PLEKHO1: variants seen among roughly 807,000 people sequenced by gnomAD.
The protein encoded by PLEKHO1 is pleckstrin homology domain containing O1, also known as pleckstrin homology domain-containing family O member 1.
In PLEKHO1, 22 loss-of-function variants were observed where a neutral mutation model predicts 41.4. The ratio of observed to expected loss-of-function variants is 0.53; its 90% confidence interval spans 0.38 to 0.76. The LOEUF is 0.76. Ranked by LOEUF, PLEKHO1 falls within the 30% of genes least tolerant of loss-of-function variation. The probability of loss-of-function intolerance (pLI) is 0.00; values close to 1 mark genes in which losing one functional copy is unlikely to be tolerated. For missense variants in PLEKHO1, 488 were observed against 518.3 expected (o/e 0.94, Z 0.57); for synonymous variants, 225 against 210.8 (o/e 1.07, Z -0.58).
In PLEKHO1 at chr1:150,159,991, C is replaced by G. The variant is rs1256123859; in HGVS notation, c.*468C>G. 6.4e-6 allele frequency: 1 copy of G among 155,084 alleles called. No homozygotes were observed. The highest frequency in any genetic ancestry group is 2.4e-5 in the African/African-American group (1 of 41,514). The allele number at this position is 155,084 out of a possible 1,614,324, so 9.6% of individuals were successfully genotyped here. Reference sequence around the variant, plus strand: ...GTAGGGATGTGGAGGCCAGTGTCACCTGTCCGTGCACATGGAAGTGAAATT... The same window carrying G: ...GTAGGGATGTGGAGGCCAGTGTCACGTGTCCGTGCACATGGAAGTGAAATT... On this transcript the variant is annotated 3_prime_UTR_variant, in exon 6 of 6. Coordinates refer to ENST00000369124, the MANE Select transcript of PLEKHO1 (RefSeq NM_016274.6).
At chr1:150,151,449 C>A (rs1659925465) in intron 2 of PLEKHO1, among the ~76,000 whole-genome samples, 1 of 152,202 alleles carries the variant, frequency 6.6e-6, no homozygotes, top group Non-Finnish European at 1.5e-5. Context: ...CCCACCTTAA[C>A]CCAGCCAGCC....
At position 150,159,330 on chromosome 1, in the gene PLEKHO1, C is replaced by G; in HGVS notation, c.1037C>G (p.Ser346Cys). 6.2e-7 allele frequency: 1 copy of G among 1,614,214 alleles called. No homozygotes were observed. Among genetic ancestry groups the G allele is most frequent in the Non-Finnish European group, 8.5e-7 (1 of 1,180,052 alleles). Residue 346 changes from serine (S) to cysteine (C), a missense_variant, in exon 6 of 6, where the codon TCT becomes TGT. By Grantham distance (112) the Ser-to-Cys change is moderately radical (BLOSUM62 -1). Transcript: ENST00000369124. ...GACCCCCCTCGGTCTCCGCCGGATT[C>G]TGAGTCAGAGCAGCTGCTGCTGGAG... ...AKDPPRSPPDSESEQLLLETE... is the reference protein window; with the variant it reads ...AKDPPRSPPDCESEQLLLETE...
Position 150,156,946 on chromosome 1 carries a change from A to G in PLEKHO1, c.354A>G (p.Glu118=), listed in dbSNP as rs368632045. The change falls in exon 4 of 6, where the codon GAA becomes GAG. Residue 118 remains glutamate, a synonymous_variant. Transcript: ENST00000369124. ...PNLIFLAVSP[E]EKESWINALN... ...TGATCTTCCTGGCAGTGAGTCCAGA[A>G]GAGAAGGAATCGTGGATCAATGCCC... The G allele has an allele frequency of 2.5e-5, 41 of 1,613,662 alleles. No homozygotes were observed. The highest frequency in any genetic ancestry group is 3.2e-5 in the Non-Finnish European group (38 of 1,179,708).
In PLEKHO1 at chr1:150,159,547, G is replaced by C. The variant is rs781889070; in HGVS notation, c.*24G>C. 6.7e-7 allele frequency: 1 copy of C among 1,489,570 alleles called. No individual in the cohort carries two copies. The highest frequency in any genetic ancestry group is 9.2e-7 in the Non-Finnish European group (1 of 1,092,518). 92.3% of individuals were successfully genotyped at this position (1,489,570 alleles called of 1,614,324 possible). A position where few individuals can be genotyped will look rare whatever the true frequency, so the allele number is the denominator to read the frequency against. On this transcript the variant is annotated 3_prime_UTR_variant, in exon 6 of 6. Transcript: ENST00000369124. Reference sequence around the variant, plus strand: ...GAGGGCAGGGTGGGGTCTGGAACTTGTCGGGTTGGACAGACTCTTATCTCC... The same window carrying C: ...GAGGGCAGGGTGGGGTCTGGAACTTCTCGGGTTGGACAGACTCTTATCTCC...
chr1:150,151,228 C>A (rs965722471), intron 2 of PLEKHO1, among the ~76,000 whole-genome samples, 170 bp downstream of exon 2: 1 of 152,096 alleles, frequency 6.6e-6, no homozygotes, highest in African/African-American at 2.4e-5. Flanking sequence ...AATGAGAAGA[C>A]CAGAGTGAGA....
intron 1 of PLEKHO1, 90 bp from the exon 2 acceptor site, chr1:150,150,821 TG>T: frequency 7.9e-7 from 1 of 1,264,194 alleles, no homozygotes; most frequent in Non-Finnish European, 1.1e-6. Context: ...CGGAGGAGAC[TG>T]GGCCGCCGAG....
chr1:150,159,690 ATATGCCCCTCG>A lies in PLEKHO1; in HGVS notation c.*178_*188del, dbSNP rs1210274986. 1.6e-5 allele frequency: 9 copies of A among 549,036 alleles called. No homozygotes were observed. The highest frequency in any genetic ancestry group is 2.9e-5 in the South Asian group (1 of 34,134). 34.0% of individuals were successfully genotyped at this position (549,036 alleles called of 1,614,324 possible). A position where few individuals can be genotyped will look rare whatever the true frequency, so the allele number is the denominator to read the frequency against. On this transcript the variant is annotated 3_prime_UTR_variant, in exon 6 of 6. Transcript: ENST00000369124. ...ACCCTTATTGCCCCACCTACTTTCC[ATATGCCCCTCG>A]TATGCCCCTCAGGTTTGAGGAAGTG...
rs879976473 is a variant in PLEKHO1 at position 150,159,633 on chromosome 1, C to T, written c.*110C>T. The T allele has an allele frequency of 4.8e-5, 36 of 749,924 alleles. No individual in the cohort carries two copies. The highest frequency in any genetic ancestry group is 5.4e-5 in the Non-Finnish European group (25 of 466,106). 46.5% of individuals were successfully genotyped at this position (749,924 alleles called of 1,614,324 possible). On this transcript the variant is annotated 3_prime_UTR_variant, in exon 6 of 6. Transcript: ENST00000369124. ...CAAAAAAAGAAAACAAAAATGAACT[C>T]ATTGCTCTTGCTGATGCCTGACCCC...
At position 150,159,164 on chromosome 1, in the gene PLEKHO1, G is replaced by A. The variant is rs782138581; in HGVS notation, c.871G>A (p.Ala291Thr). ...AASARTLQLRAEEPPTPALPN... is the reference protein window; with the variant it reads ...AASARTLQLRTEEPPTPALPN... ...CTCTGCCCGCACCCTCCAGCTGCGGGCTGAGGAACCCCCAACCCCTGCCCT... is the reference window on the plus strand; with the variant it reads ...CTCTGCCCGCACCCTCCAGCTGCGGACTGAGGAACCCCCAACCCCTGCCCT... The change falls in exon 6 of 6, where the codon GCT becomes ACT. Residue 291 changes from alanine (A) to threonine (T), a missense_variant. This residue lies in a region of PLEKHO1 where 337 missense variants were observed against 324.6 expected (regional missense o/e 1.04). Transcript: ENST00000369124. 2.5e-6 allele frequency: 4 copies of A among 1,611,398 alleles called. No homozygotes were observed. The highest frequency in any genetic ancestry group is 3.4e-6 in the Non-Finnish European group (4 of 1,178,890).
rs1553818119 is a variant in PLEKHO1 at position 150,149,973 on chromosome 1, T to G, written c.-285T>G. On this transcript the variant is annotated 5_prime_UTR_variant, in exon 1 of 6. Transcript: ENST00000369124. Reference sequence around the variant, plus strand: ...GGGCCGGGCGGGCGGGTGGCGGGGGTGCGCTCGGGGACCCGGGCCGCGTGG... The same window carrying G: ...GGGCCGGGCGGGCGGGTGGCGGGGGGGCGCTCGGGGACCCGGGCCGCGTGG... 1 of 149,002 alleles carries G rather than the reference T, an allele frequency of 6.7e-6. No individual in the cohort carries two copies. Among genetic ancestry groups the G allele is most frequent in the African/African-American group, 2.5e-5 (1 of 40,114 alleles). 9.2% of individuals were successfully genotyped at this position (149,002 alleles called of 1,614,324 possible).
chr1:150,156,971 C>G lies in PLEKHO1; in HGVS notation c.379C>G (p.Leu127Val). The G allele has an allele frequency of 1.2e-6, 2 of 1,613,622 alleles. No homozygotes were observed. The highest frequency in any genetic ancestry group is 1.1e-5 in the South Asian group (1 of 91,066). ...PEEKESWINA[L>V]NSAITRAKNR... ...AGAGAAGGAATCGTGGATCAATGCC[C>G]TCAACTCTGCCATCACCCGAGCCAA... Residue 127 changes from leucine to valine, a missense_variant, in exon 4 of 6, where the codon CTC becomes GTC. Transcript: ENST00000369124.
intron 3 of PLEKHO1, 115 bp downstream of exon 3, chr1:150,156,321 T>G: frequency 2.4e-6 from 2 of 823,218 alleles, no homozygotes; most frequent in Non-Finnish European, 3.8e-6. Flanking sequence ...TTCCCTGAAT[T>G]GCTCTCCTGC....
chr1:150,156,857 A>T, intron 3 of PLEKHO1, 54 bp from the exon 4 acceptor site: 1 of 972,542 alleles, frequency 1.0e-6, no homozygotes, highest in Non-Finnish European at 1.7e-6. Flanking sequence ...TTCATTGTCA[A>T]GGTGAGGCAC....
At chr1:150,153,809 G>C (rs138814827) in intron 2 of PLEKHO1, 6 of 152,178 alleles carry the variant, frequency 3.9e-5, no homozygotes, top group Non-Finnish European at 8.8e-5. Context: ...TTGGACAGGC[G>C]TGGGAAAAAT....
Position 150,156,038 on chromosome 1 carries a change from T to G in PLEKHO1, c.178-28T>G, listed in dbSNP as rs1660154495. ...GTGGAGGGGCTAAATAATTTTATCC[T>G]CCTCACCTCACCCCAACCCTCCCCT... On this transcript the variant is annotated intron_variant, in intron 2 of 5. Coordinates refer to ENST00000369124, the MANE Select transcript of PLEKHO1 (RefSeq NM_016274.6). 3 of 1,603,982 alleles carry G rather than the reference T, an allele frequency of 1.9e-6. No individual in the cohort carries two copies. The East Asian group carries it at 6.7e-5, about 36-fold the overall frequency.
chr1:150,150,735 G>A (rs989357749), intron 1 of PLEKHO1, 177 bp from the exon 2 acceptor site: 12 of 581,612 alleles, frequency 2.1e-5, no homozygotes, highest in Non-Finnish European at 2.7e-5. Flanking sequence ...GGGAGCGGGG[G>A]GAGTTCCTCG....
chr1:150,159,377 G>C lies in PLEKHO1; in HGVS notation c.1084G>C (p.Ala362Pro). 6.2e-7 allele frequency: 1 copy of C among 1,614,182 alleles called. No homozygotes were observed. Among genetic ancestry groups the C allele is most frequent in the Non-Finnish European group, 8.5e-7 (1 of 1,180,044 alleles). The change falls in exon 6 of 6, where the codon GCA becomes CCA. Residue 362 changes from alanine (A) to proline (P), a missense_variant. Physicochemically the swap from Ala to Pro is conservative, Grantham distance 27. This residue lies in a region of PLEKHO1 where 337 missense variants were observed against 324.6 expected (regional missense o/e 1.04). Transcript: ENST00000369124. The stretch of plus-strand genomic sequence containing the variant: ...GGAGACGGAACGGCTGCTGGGAGAG[G>C]CATCATCGAATTGGAGCCAGGCAAA... Reference protein sequence around the residue: ...LLETERLLGEASSNWSQAKRV... With the variant: ...LLETERLLGEPSSNWSQAKRV...
chr1:150,157,543 A>C (rs1660225551), intron 5 of PLEKHO1, 57 bp downstream of exon 5: 17 of 1,234,190 alleles, frequency 1.4e-5, no homozygotes, highest in African/African-American at 3.0e-5. Flanking sequence ...AGTCCATCTC[A>C]GACAGAACTG....
intron 1 of PLEKHO1, 189 bp from the exon 2 acceptor site, chr1:150,150,710 TCGGGAGCGGGGGA>T (rs1215155466): frequency 1.8e-6 from 1 of 552,376 alleles, no homozygotes; most frequent in Non-Finnish European, 3.2e-6. Flanking sequence ...GGTTGTTTAT[TCGGGAGCGGGGGA>T]GGGGAGCGGG....
Sources: allele counts gnomAD v4.1 joint callset (sites outside exome capture counted in the v4.1 genomes callset), GRCh38; gene constraint gnomAD v4.1.1; regional missense constraint gnomAD v4.1.1; transcripts MANE v1.5; gene names NCBI Gene and HGNC (gene_info 2026-07-23, HGNC 2026-07-21).